Variants in LEKR1 observed in about 807,000 individuals in gnomAD.
LEKR1 encodes the protein protein LEKR1.
LEKR1 carries 59 observed loss-of-function variants against 72.4 expected under a neutral mutation model. That is an observed-to-expected ratio of 0.82 (90% CI 0.66 to 1.01). The LOEUF is 1.01. LEKR1 is among the 50% of genes least tolerant of loss of function. The pLI is 0.00. For synonymous variants in LEKR1, 257 were observed against 263.2 expected (o/e 0.98, Z 0.23); for missense variants, 728 against 759.2 (o/e 0.96, Z 0.48).
chr3:156,963,602 A>T (rs1319877573), intron 6 of LEKR1, among the ~76,000 whole-genome samples: 1 of 152,124 alleles, frequency 6.6e-6, no homozygotes. Flanking sequence ...ATCATTAAAA[A>T]AATCATTCCT....
intron 3 of LEKR1, chr3:156,853,249 T>G (rs974755375): frequency 4.3e-6 from 1 of 230,352 alleles, no homozygotes; most frequent in Non-Finnish European, 8.2e-6. Context: ...CCCAGGTATA[T>G]ATATCTTACG....
intron 6 of LEKR1, among the ~76,000 whole-genome samples, chr3:156,971,290 T>G (rs1576922434): frequency 6.6e-6 from 1 of 151,882 alleles, no homozygotes; most frequent in African/African-American, 2.4e-5. Flanking sequence ...TAGCCATATG[T>G]AGAAAGCTGA....
Position 156,967,498 on chromosome 3 carries a change from T to A in LEKR1, c.746-11696T>A, listed in dbSNP as rs1307089624. 2.6e-5 allele frequency among the ~76,000 whole-genome samples: 4 copies of A among 152,182 alleles called. No homozygotes were observed. The East Asian group carries it at 7.7e-4, about 29-fold the overall frequency. ...TGAATGCACAAGCCTCATTAGCCGA[T>A]TTGATCAACTGGAAGAAAGGGTATC... On this transcript the variant is annotated intron_variant, in intron 6 of 12. Transcript: ENST00000356539.
intron 2 of LEKR1, among the ~76,000 whole-genome samples, chr3:156,834,312 C>T (rs1164728751): frequency 6.6e-6 from 1 of 152,162 alleles, no homozygotes; most frequent in Non-Finnish European, 1.5e-5. Context: ...CTTTTGGCTA[C>T]ATTGCTCACA....
intron 5 of LEKR1, among the ~76,000 whole-genome samples, chr3:156,930,241 C>T (rs902096321): frequency 3.3e-5 from 5 of 151,824 alleles, no homozygotes; most frequent in South Asian, 2.1e-4. Flanking sequence ...GAGAGATAAA[C>T]ATTGAAAAAA....
intron 12 of LEKR1, among the ~76,000 whole-genome samples, chr3:157,045,023 TAAG>T (rs2108050724): frequency 6.6e-6 from 1 of 152,328 alleles, no homozygotes; most frequent in South Asian, 2.1e-4. Flanking sequence ...AAGTTAGGTA[TAAG>T]AAGTCCTGAG....
intron 3 of LEKR1, among the ~76,000 whole-genome samples, chr3:156,908,339 C>T (rs148111492): frequency 6.6e-5 from 10 of 152,146 alleles, no homozygotes; most frequent in African/African-American, 2.4e-4. Flanking sequence ...TATTATTGTA[C>T]AGTTTTAATG....
intron 6 of LEKR1, among the ~76,000 whole-genome samples, chr3:156,964,249 T>G (rs1728363803): frequency 6.6e-6 from 1 of 151,966 alleles, no homozygotes; most frequent in African/African-American, 2.4e-5. Flanking sequence ...GATAAAAGAG[T>G]TTTATTATCC....
At chr3:156,883,243 G>T (rs1381397597) in intron 3 of LEKR1, among the ~76,000 whole-genome samples, 1 of 152,066 alleles carries the variant, frequency 6.6e-6, no homozygotes, top group Non-Finnish European at 1.5e-5. Context: ...CTTTGTTTTG[G>T]CCCATTTTCC....
At chr3:156,984,110 A>G (rs915393024) in intron 7 of LEKR1, among the ~76,000 whole-genome samples, 19 of 152,230 alleles carry the variant, frequency 1.2e-4, no homozygotes, top group African/African-American at 4.6e-4. Flanking sequence ...GAGATTAGAA[A>G]TATCAGAAAA....
At chr3:156,840,419 A>G (rs925308320) in intron 2 of LEKR1, among the ~76,000 whole-genome samples, 2 of 152,246 alleles carry the variant, frequency 1.3e-5, no homozygotes, top group African/African-American at 4.8e-5. Flanking sequence ...TTAGCTTGCA[A>G]TCCATACATT....
At chr3:156,959,987 A>G (rs189006040) in intron 6 of LEKR1, among the ~76,000 whole-genome samples, 17 of 152,218 alleles carry the variant, frequency 1.1e-4, no homozygotes, top group Admixed American at 9.8e-4. Context: ...AATTGAAAGC[A>G]TGCTAAGCCA....
At chr3:157,021,411 A>C (rs1016859657) in intron 10 of LEKR1, among the ~76,000 whole-genome samples, 10 of 152,052 alleles carry the variant, frequency 6.6e-5, no homozygotes, top group African/African-American at 2.4e-4. Flanking sequence ...TTATGGTTTT[A>C]GGTCTAACAT....
At chr3:156,969,950 A>G (rs1455472850) in intron 6 of LEKR1, among the ~76,000 whole-genome samples, 1 of 152,236 alleles carries the variant, frequency 6.6e-6, no homozygotes, top group Non-Finnish European at 1.5e-5. Context: ...CATCCCTGGG[A>G]TGCAAGGCTG....
chr3:156,841,632 C>T (rs1178127235), intron 2 of LEKR1, among the ~76,000 whole-genome samples: 1 of 152,086 alleles, frequency 6.6e-6, no homozygotes, highest in Non-Finnish European at 1.5e-5. Context: ...TTTATTATGC[C>T]TATTATGTGC....
At chr3:157,010,136 A>T (rs12491538) in intron 9 of LEKR1, among the ~76,000 whole-genome samples, 3,451 of 151,906 alleles carry the variant, frequency 0.023, 86 homozygotes, top group East Asian at 0.1. Flanking sequence ...CTTGAGGTTT[A>T]TTAATTTTAT....
chr3:157,040,397 G>A (rs1006498728), intron 12 of LEKR1, among the ~76,000 whole-genome samples: 6 of 152,110 alleles, frequency 3.9e-5, no homozygotes, highest in African/African-American at 1.4e-4. Context: ...TATTATGTTT[G>A]TAAGCAGGGA....
chr3:157,025,022 C>A, intron 11 of LEKR1, 98 bp downstream of exon 11: 1 of 776,976 alleles, frequency 1.3e-6, no homozygotes, highest in Non-Finnish European at 2.0e-6. Context: ...ATTCCAGTAG[C>A]TTTCACTCAT....
At position 156,993,223 on chromosome 3, in the gene LEKR1, C is replaced by G; in HGVS notation, c.1055C>G (p.Thr352Ser). The part of the protein sequence containing the change: ...INLAENELEI[T>S]KTLLNQTREE... The stretch of plus-strand genomic sequence containing the variant: ...CTTGCAGAAAATGAACTGGAGATAA[C>G]CAAAACTCTTCTGAATCAGACAAGG... The change falls in exon 9 of 13, where the codon ACC becomes AGC. Residue 352 changes from threonine to serine, a missense_variant. Physicochemically the swap from Thr to Ser is moderately conservative, Grantham distance 58. Coordinates refer to ENST00000356539, the MANE Select transcript of LEKR1 (RefSeq NM_001004316.3). 6.2e-7 allele frequency: 1 copy of G among 1,611,702 alleles called. No homozygotes were observed. The highest frequency in any genetic ancestry group is 1.7e-5 in the Admixed American group (1 of 59,634).
Sources: allele counts gnomAD v4.1 joint callset (sites outside exome capture counted in the v4.1 genomes callset), GRCh38; gene constraint gnomAD v4.1.1; transcripts MANE v1.5; gene names NCBI Gene and HGNC (gene_info 2026-07-23, HGNC 2026-07-21).